The following UBASH3B variants were observed in gnomAD, a reference collection of about 807,000 sequenced individuals.
UBASH3B encodes the protein ubiquitin associated and SH3 domain containing B.
UBASH3B carries 37 observed loss-of-function variants against 83.4 expected under a neutral mutation model. The observed-to-expected ratio is 0.44, with a 90% CI of 0.34 to 0.58. The LOEUF is 0.58. Ranked by LOEUF, UBASH3B falls within the 20% of genes least tolerant of loss-of-function variation. The pLI, the probability that UBASH3B is intolerant of heterozygous loss-of-function variation, is 0.01. For synonymous variants in UBASH3B, 304 were observed against 318.3 expected (o/e 0.96, Z 0.48); for missense variants, 657 against 827.2 (o/e 0.79, Z 2.52).
chr11:122,804,712 T>C (rs1032414135), intron 11 of UBASH3B, among the ~76,000 whole-genome samples: 1 of 152,214 alleles, frequency 6.6e-6, no homozygotes, highest in African/African-American at 2.4e-5. Context: ...TCAGTGCTAA[T>C]AGTAGTGGTA....
intron 1 of UBASH3B, among the ~76,000 whole-genome samples, chr11:122,720,611 TG>T (rs1217036957): frequency 2.0e-5 from 3 of 152,308 alleles, no homozygotes; most frequent in Non-Finnish European, 4.4e-5. Context: ...TGTACCTCCT[TG>T]CCCATTCAGC....
intron 1 of UBASH3B, among the ~76,000 whole-genome samples, chr11:122,747,903 T>C (rs1043139988): frequency 1.3e-5 from 2 of 152,242 alleles, no homozygotes; most frequent in Non-Finnish European, 1.5e-5. Flanking sequence ...TTCCCTCATT[T>C]GTGTAACAGG....
At chr11:122,791,519 T>C (rs1273810354) in intron 6 of UBASH3B, among the ~76,000 whole-genome samples, 1 of 152,210 alleles carries the variant, frequency 6.6e-6, no homozygotes, top group Non-Finnish European at 1.5e-5. Flanking sequence ...AGTCCTCACT[T>C]AGTGCTCATC....
At chr11:122,720,669 C>A (rs1246146818) in intron 1 of UBASH3B, among the ~76,000 whole-genome samples, 1 of 152,298 alleles carries the variant, frequency 6.6e-6, no homozygotes, top group South Asian at 2.1e-4. Flanking sequence ...ACTACACACG[C>A]CATTGCCTGG....
intron 1 of UBASH3B, among the ~76,000 whole-genome samples, chr11:122,768,015 C>CGTGTGGCT: frequency 6.8e-6 from 1 of 147,358 alleles, no homozygotes; most frequent in African/African-American, 2.7e-5. Context: ...GCATGACTGT[C>CGTGTGGCT]GTGTGGCCTG....
At position 122,810,056 on chromosome 11, in the gene UBASH3B, C is replaced by T; in HGVS notation, c.*170C>T. On this transcript the variant is annotated 3_prime_UTR_variant, in exon 14 of 14. Coordinates refer to ENST00000284273, the MANE Select transcript of UBASH3B (RefSeq NM_032873.5). ...TGAGACTGTGTAAATGAGAGAAAGA[C>T]TTGATTCAGAGGAAAAAAATGTGTT... The T allele has an allele frequency of 1.3e-6, 1 of 772,952 alleles. No individual in the cohort carries two copies. The highest frequency in any genetic ancestry group is 2.2e-5 in the South Asian group (1 of 45,080). 47.9% of individuals were successfully genotyped at this position (772,952 alleles called of 1,614,324 possible). A position where few individuals can be genotyped will look rare whatever the true frequency, so the allele number is the denominator to read the frequency against.
Position 122,667,614 on chromosome 11 carries a change from C to G in UBASH3B, c.161+11404C>G, listed in dbSNP as rs890519306. ...CCAGACAGGGAGCACACGATTACATCTGAAGCACCAATAAGACAGGAGCAA... is the reference window on the plus strand; with the variant it reads ...CCAGACAGGGAGCACACGATTACATGTGAAGCACCAATAAGACAGGAGCAA... On this transcript the variant is annotated intron_variant, in intron 1 of 13. Transcript: ENST00000284273. 7.2e-5 allele frequency among the ~76,000 whole-genome samples: 11 copies of G among 152,126 alleles called. No homozygotes were observed. In the East Asian group the frequency reaches 1.3e-3, roughly 19 times the overall value.
chr11:122,788,148 T>C (rs1171119883), intron 5 of UBASH3B, among the ~76,000 whole-genome samples: 1 of 152,236 alleles, frequency 6.6e-6, no homozygotes, highest in East Asian at 1.9e-4. Flanking sequence ...GAACGTTTTC[T>C]CCATCTGATG....
chr11:122,773,463 A>C (rs1591807323), intron 1 of UBASH3B, among the ~76,000 whole-genome samples: 1 of 152,326 alleles, frequency 6.6e-6, no homozygotes, highest in East Asian at 1.9e-4. Context: ...TGTTTCAGAT[A>C]GGTAACAGCT....
chr11:122,793,020 G>T (rs991897195), intron 6 of UBASH3B, among the ~76,000 whole-genome samples: 1 of 152,154 alleles, frequency 6.6e-6, no homozygotes, highest in Admixed American at 6.5e-5. Context: ...TGAAAGTGAA[G>T]GAACAAAAAT....
At chr11:122,789,066 C>T (rs770053598) in intron 5 of UBASH3B, 34 bp from the exon 6 acceptor site, 2 of 1,572,434 alleles carry the variant, frequency 1.3e-6, no homozygotes, top group Non-Finnish European at 1.7e-6. Context: ...AATGGTGAGG[C>T]ATGGGGCTCA....
chr11:122,810,654 C>A lies in UBASH3B; in HGVS notation c.*768C>A, dbSNP rs2135198542. 6.6e-6 allele frequency: 1 copy of A among 152,668 alleles called. No individual in the cohort carries two copies. Among genetic ancestry groups the A allele is most frequent in the African/African-American group, 2.4e-5 (1 of 41,544 alleles). The allele number at this position is 152,668 out of a possible 1,614,324, so 9.5% of individuals were successfully genotyped here. A position where few individuals can be genotyped will look rare whatever the true frequency, so the allele number is the denominator to read the frequency against. On this transcript the variant is annotated 3_prime_UTR_variant, in exon 14 of 14. Coordinates refer to ENST00000284273, the MANE Select transcript of UBASH3B (RefSeq NM_032873.5). ...TGTTTGAAGTATTCAATCATAGGAGCAAAGAACTTGCAAAATATGAAGTGA... is the reference window on the plus strand; with the variant it reads ...TGTTTGAAGTATTCAATCATAGGAGAAAAGAACTTGCAAAATATGAAGTGA...
chr11:122,747,380 T>G (rs969510141), intron 1 of UBASH3B, among the ~76,000 whole-genome samples: 2 of 152,040 alleles, frequency 1.3e-5, no homozygotes, highest in African/African-American at 2.4e-5. Context: ...CCAAGGAGTT[T>G]GGGGAAATGT....
intron 5 of UBASH3B, among the ~76,000 whole-genome samples, chr11:122,788,023 C>A (rs1442612632): frequency 3.3e-5 from 5 of 152,154 alleles, no homozygotes; most frequent in Non-Finnish European, 7.3e-5. Flanking sequence ...ACCTTCATGC[C>A]TATACCTGTG....
rs746358239 is a variant in UBASH3B at position 122,796,982 on chromosome 11, G to A, written c.1306G>A (p.Glu436Lys). Residue 436 changes from glutamate to lysine, a missense_variant, in exon 9 of 14, where the codon GAG becomes AAG. Glu to Lys is a moderately conservative substitution (Grantham distance 56). This residue lies in a region of UBASH3B where 573 missense variants were observed against 739.0 expected (regional missense o/e 0.78). Transcript: ENST00000284273. ...GCGGAGTGGTGGTTTCCGAGATTAC[G>A]AGAAAGATGCTCCCATCACTGTGTT... ...PQRSGGFRDY[E>K]KDAPITVFGC... 6.2e-7 allele frequency: 1 copy of A among 1,614,022 alleles called. No homozygotes were observed. Among genetic ancestry groups the A allele is most frequent in the Non-Finnish European group, 8.5e-7 (1 of 1,179,964 alleles).
At position 122,655,899 on chromosome 11, in the gene UBASH3B, C is replaced by G; in HGVS notation, c.-151C>G. 1 of 848,246 alleles carries G rather than the reference C, an allele frequency of 1.2e-6. No homozygotes were observed. Among genetic ancestry groups the G allele is most frequent in the Non-Finnish European group, 1.7e-6 (1 of 591,566 alleles). 52.5% of individuals were successfully genotyped at this position (848,246 alleles called of 1,614,324 possible). ...ACCAGGAAGCGTCAGAGTCCCGACA[C>G]TGGGGAAGCTCGGAGCGCCGCCTCC... On this transcript the variant is annotated 5_prime_UTR_variant, in exon 1 of 14. Transcript: ENST00000284273.
At chr11:122,799,283 G>C (rs2135179247) in intron 10 of UBASH3B, among the ~76,000 whole-genome samples, 1 of 152,294 alleles carries the variant, frequency 6.6e-6, no homozygotes, top group African/African-American at 2.4e-5. Context: ...CTGAGGTCAG[G>C]AGTTCGAGAC....
chr11:122,712,489 C>T (rs772630948), intron 1 of UBASH3B, among the ~76,000 whole-genome samples: 1 of 152,112 alleles, frequency 6.6e-6, no homozygotes, highest in Admixed American at 6.6e-5. Context: ...GGCTCTCATG[C>T]TTGCTTCCAT....
At chr11:122,781,664 C>G (rs1015268230) in intron 4 of UBASH3B, among the ~76,000 whole-genome samples, 11 of 152,242 alleles carry the variant, frequency 7.2e-5, no homozygotes, top group Admixed American at 5.2e-4. Context: ...TATTACCCAG[C>G]ATGGGAAGCC....
Sources: allele counts gnomAD v4.1 joint callset (sites outside exome capture counted in the v4.1 genomes callset), GRCh38; gene constraint gnomAD v4.1.1; regional missense constraint gnomAD v4.1.1; transcripts MANE v1.5; gene names NCBI Gene and HGNC (gene_info 2026-07-23, HGNC 2026-07-21).